The following BRF1 variants were observed in gnomAD, a reference collection of about 807,000 sequenced individuals.
The protein encoded by BRF1 is BRF1 general transcription factor IIIB subunit, also known as transcription factor IIIB 90 kDa subunit.
A neutral mutation model predicts 81.7 loss-of-function variants in BRF1; 59 were observed. That is an observed-to-expected ratio of 0.72 (90% confidence interval 0.59 to 0.90). The LOEUF is 0.90. Among genes scored for constraint, BRF1 ranks in the 40% least tolerant of loss-of-function variants. The pLI, the probability that BRF1 is intolerant of heterozygous loss-of-function variation, is 0.00. For synonymous variants in BRF1, 491 were observed against 395.6 expected, an observed-to-expected ratio of 1.24 and a Z score of -2.86; for missense variants, 1,050 against 936.3, an observed-to-expected ratio of 1.12 and a Z score of -1.58.
At position 105,270,837 on chromosome 14, in the gene BRF1, AG is replaced by A. The variant is rs374054307; in HGVS notation, c.439+1883del. On this transcript the variant is annotated intron_variant, in intron 3 of 17. Transcript: ENST00000547530. ...ATTTTAATGAAAGATCCTGATACTGAGGGTTGCCTGGCCAGAGGCACCGTCA... is the reference window on the plus strand; with the variant it reads ...ATTTTAATGAAAGATCCTGATACTGAGGTTGCCTGGCCAGAGGCACCGTCA... Among the ~76,000 whole-genome samples the A allele has an allele frequency of 2.4e-3, 369 of 151,882 alleles. 4 individuals are homozygous for A. Among genetic ancestry groups the A allele is most frequent in the African/African-American group, 8.6e-3 (358 of 41,404 alleles).
In BRF1 at chr14:105,315,052, C is replaced by T. The variant is rs2058507850; in HGVS notation, c.-162+270G>A. ...TGCGTGCCCAGGTACGCGCCGCCCG[C>T]CGCGCTTTGTTCCCGCCGGGCACCT... On this transcript the variant is annotated intron_variant, in intron 1 of 17. Transcript: ENST00000327359. The surrounding 1 kb of genome is among the most constrained non-coding windows in gnomAD (Gnocchi z 4.4). The T allele has an allele frequency of 1.7e-6, 2 of 1,165,502 alleles. No individual in the cohort carries two copies. Among genetic ancestry groups the T allele is most frequent in the East Asian group, 1.0e-4 (2 of 19,478 alleles). 72.2% of individuals were successfully genotyped at this position (1,165,502 alleles called of 1,614,324 possible).
At chr14:105,288,436 A>G (rs1405713225) in intron 1 of BRF1, among the ~76,000 whole-genome samples, 2 of 151,558 alleles carry the variant, frequency 1.3e-5, no homozygotes, top group Non-Finnish European at 2.9e-5. Flanking sequence ...TGGGTGACAG[A>G]GCAAGACTCC....
chr14:105,220,392 AAAAAAGCAACTTTTT>A (rs2141470345), intron 11 of BRF1, among the ~76,000 whole-genome samples: 1 of 152,276 alleles, frequency 6.6e-6, no homozygotes, highest in South Asian at 2.1e-4. Flanking sequence ...TGCTTTTTGT[AAAAAAGCAACTTTTT>A]AAGAACAGGA....
At chr14:105,217,189 A>G in intron 15 of BRF1, 1 of 388,628 alleles carries the variant, frequency 2.6e-6, no homozygotes, top group Non-Finnish European at 4.8e-6. Context: ...CAGGGTGCGC[A>G]GAGCAGGCAC....
intron 3 of BRF1, among the ~76,000 whole-genome samples, chr14:105,257,072 G>A (rs1304546628): frequency 3.9e-5 from 6 of 152,104 alleles, no homozygotes; most frequent in Admixed American, 2.0e-4. Context: ...GCCTGCAGGC[G>A]CCACTGGGGG....
chr14:105,246,812 G>A, intron 5 of BRF1: 1 of 985,270 alleles, frequency 1.0e-6, no homozygotes, highest in Non-Finnish European at 1.2e-6. Flanking sequence ...TTCTAAGGAT[G>A]AAAATTATTA....
intron 1 of BRF1, among the ~76,000 whole-genome samples, chr14:105,290,933 G>A (rs587763264): frequency 5.1e-4 from 77 of 152,160 alleles, no homozygotes; most frequent in Middle Eastern, 3.4e-3. Context: ...CAGGACACAT[G>A]TGGACAGTGT....
intron 15 of BRF1, among the ~76,000 whole-genome samples, chr14:105,217,000 C>T (rs1484316888): frequency 6.6e-6 from 1 of 152,224 alleles, no homozygotes. Context: ...GCAAGCTGTG[C>T]ACAGAGGCCG....
At chr14:105,212,494 G>A (rs916747445) in intron 15 of BRF1, 4 of 326,612 alleles carry the variant, frequency 1.2e-5, no homozygotes, top group Non-Finnish European at 1.7e-5. Flanking sequence ...AGGGAGGAGG[G>A]GAGGGAGGGT....
intron 2 of BRF1, among the ~76,000 whole-genome samples, chr14:105,282,614 A>G (rs1398145977): frequency 6.6e-6 from 1 of 152,234 alleles, no homozygotes; most frequent in Non-Finnish European, 1.5e-5. Flanking sequence ...AAATCAATCA[A>G]TCAAAATAAA....
In BRF1 at chr14:105,218,892, G is replaced by A. The variant is rs587767146; in HGVS notation, c.1515+106C>T. The A allele has an allele frequency of 4.6e-6, 7 of 1,512,636 alleles. No homozygotes were observed. In the South Asian group the frequency reaches 7.0e-5, roughly 15 times the overall value. The allele number at this position is 1,512,636 out of a possible 1,614,324, so 93.7% of individuals were successfully genotyped here. On this transcript the variant is annotated intron_variant, in intron 14 of 17. Transcript: ENST00000547530. ...ACATGGCCTCCGGCTGCCTGCCCTG[G>A]GGCCTAGACCCTCCTGTCACATGGG... is the stretch of plus-strand genomic sequence containing the variant.
In BRF1 at chr14:105,226,124, T is replaced by C. The variant is rs757619665; in HGVS notation, c.993A>G (p.Glu331=). ...ISSYQDAIEI[E]LENSRPKAKG... is the part of the protein sequence containing the mutation. ...TGGCCTTTGGCCGGCTGTTTTCTAG[T>C]TCAATCTCAATTGCATCCTGGTAAC... Residue 331 remains glutamate, a synonymous_variant, in exon 10 of 18, where the codon GAA becomes GAG. Transcript: ENST00000547530. The C allele has an allele frequency of 5.0e-6, 8 of 1,613,982 alleles. No individual in the cohort carries two copies. Among genetic ancestry groups the C allele is most frequent in the Middle Eastern group, 1.7e-4 (1 of 6,060 alleles).
chr14:105,275,033 C>T (rs1419278895), intron 2 of BRF1, among the ~76,000 whole-genome samples: 1 of 152,218 alleles, frequency 6.6e-6, no homozygotes, highest in African/African-American at 2.4e-5. Flanking sequence ...CGGCCTCCAT[C>T]CCCATATAAA....
chr14:105,244,918 A>C lies in BRF1; in HGVS notation c.545-3504T>G, dbSNP rs143443542. Among the ~76,000 whole-genome samples, 501 of 152,086 alleles carry C rather than the reference A, an allele frequency of 3.3e-3. 3 individuals carry two copies. The highest frequency in any genetic ancestry group is 0.014 in the East Asian group (73 of 5,178). On this transcript the variant is annotated intron_variant, in intron 5 of 17. Transcript: ENST00000547530. Reference sequence around the variant, plus strand: ...CCCTCAATATATTTCAGGTAACAGCACATAGGACATGCCATTTGACCCCAA... The same window carrying C: ...CCCTCAATATATTTCAGGTAACAGCCCATAGGACATGCCATTTGACCCCAA...
In BRF1 at chr14:105,284,831, G is replaced by T. The variant is rs754404455; in HGVS notation, c.265+1465C>A. Among the ~76,000 whole-genome samples, 1 of 152,094 alleles carries T rather than the reference G, an allele frequency of 6.6e-6. No individual in the cohort carries two copies. The highest frequency in any genetic ancestry group is 1.5e-5 in the Non-Finnish European group (1 of 68,010). On this transcript the variant is annotated intron_variant, in intron 2 of 17. Transcript: ENST00000547530. The surrounding 1 kb of genome is among the most constrained non-coding windows in gnomAD (Gnocchi z 4.0). ...AAAAAACAGGCACTAGACTAGAAAGGAAAGATAACACGATCTTGTACCGAA... is the reference window on the plus strand; with the variant it reads ...AAAAAACAGGCACTAGACTAGAAAGTAAAGATAACACGATCTTGTACCGAA...
At chr14:105,211,687 A>C (rs375044573) in intron 16 of BRF1, 45 of 339,464 alleles carry the variant, frequency 1.3e-4, no homozygotes, top group South Asian at 7.8e-4. Flanking sequence ...CCCCTGCCCC[A>C]GCCCCCGCCA....
At chr14:105,219,907 G>T (rs1245717885) in intron 12 of BRF1, 162 bp downstream of exon 12, 4 of 737,416 alleles carry the variant, frequency 5.4e-6, no homozygotes, top group South Asian at 1.8e-5. Flanking sequence ...AGTGTGGGGG[G>T]GGGTCCCGGG....
chr14:105,301,789 AG>A (rs1365891949), upstream of BRF1, among the ~76,000 whole-genome samples: 1 of 151,792 alleles, frequency 6.6e-6, no homozygotes, highest in East Asian at 1.9e-4. Flanking sequence ...AAATATCTGC[AG>A]GTGCTGTTCA....
At chr14:105,218,326 C>G (rs587770924) in intron 14 of BRF1, among the ~76,000 whole-genome samples, 1 of 152,322 alleles carries the variant, frequency 6.6e-6, no homozygotes, top group South Asian at 2.1e-4. Context: ...CCCCGCTGCA[C>G]GATGACCTTC....
Sources: allele counts gnomAD v4.1 joint callset (sites outside exome capture counted in the v4.1 genomes callset), GRCh38; gene constraint gnomAD v4.1.1; non-coding constraint Gnocchi (gnomAD v3.1); transcripts MANE v1.5; gene names NCBI Gene and HGNC (gene_info 2026-07-23, HGNC 2026-07-21).